Variants in MGMT observed in about 807,000 individuals in gnomAD.
MGMT encodes the protein methylated-DNA--protein-cysteine methyltransferase.
A neutral mutation model predicts 15.9 loss-of-function variants in MGMT; 14 were observed. The observed-to-expected ratio is 0.88, with a 90% CI of 0.58 to 1.37. The LOEUF (loss-of-function observed/expected upper bound fraction) is 1.37, where lower values mean the gene tolerates loss of function less well. Ranked by LOEUF, MGMT falls within the 40% of genes most tolerant of loss-of-function variation. The pLI is 0.00. For synonymous variants in MGMT, 130 were observed against 118.2 expected, an observed-to-expected ratio of 1.10 and a Z score of -0.65; for missense variants, 282 against 268.1, an observed-to-expected ratio of 1.05 and a Z score of -0.36.
intron 1 of MGMT, among the ~76,000 whole-genome samples, chr10:129,469,153 G>C (rs1051186326): frequency 3.3e-5 from 5 of 152,106 alleles, no homozygotes; most frequent in African/African-American, 7.2e-5. Flanking sequence ...AAGGGGGTAG[G>C]AAGGGCCTGA....
At chr10:129,560,914 C>T (rs902332613) in intron 2 of MGMT, among the ~76,000 whole-genome samples, 2 of 151,504 alleles carry the variant, frequency 1.3e-5, no homozygotes, top group Non-Finnish European at 2.9e-5. Context: ...GAAACGGGAA[C>T]TTTCAGACAT....
chr10:129,685,769 A>G (rs890149815), intron 2 of MGMT, among the ~76,000 whole-genome samples: 2 of 152,256 alleles, frequency 1.3e-5, no homozygotes, highest in African/African-American at 4.8e-5. Flanking sequence ...ACCATTCATT[A>G]TCTCTGGAGA....
chr10:129,502,646 A>G (rs1400760258), intron 1 of MGMT, among the ~76,000 whole-genome samples: 1 of 152,088 alleles, frequency 6.6e-6, no homozygotes, highest in Non-Finnish European at 1.5e-5. Flanking sequence ...TTTCCCCTGC[A>G]TGAAGAGGGG....
At chr10:129,640,822 T>C (rs1280881448) in intron 2 of MGMT, among the ~76,000 whole-genome samples, 2 of 152,188 alleles carry the variant, frequency 1.3e-5, no homozygotes, top group Admixed American at 1.3e-4. Flanking sequence ...TCACAATTAA[T>C]CAGTTTACCA....
chr10:129,556,498 G>T lies in MGMT; in HGVS notation c.125+20121G>T, dbSNP rs1846215478. The stretch of plus-strand genomic sequence containing the variant: ...CCTACACCTTGGGTTCAGACTTGCA[G>T]CACCCAGGCTGCAGGGCTTCGTCAG... On this transcript the variant is annotated intron_variant, in intron 2 of 4. Transcript: ENST00000651593. The surrounding 1 kb of genome is among the most constrained non-coding windows in gnomAD (Gnocchi z 4.3). Among the ~76,000 whole-genome samples, 1 of 152,190 alleles carries T rather than the reference G, an allele frequency of 6.6e-6. No homozygotes were observed. The highest frequency in any genetic ancestry group is 1.5e-5 in the Non-Finnish European group (1 of 68,036).
chr10:129,642,149 G>A lies in MGMT; in HGVS notation c.126-65746G>A, dbSNP rs772591251. Among the ~76,000 whole-genome samples the A allele has an allele frequency of 4.6e-5, 7 of 152,208 alleles. No individual in the cohort carries two copies. In the East Asian group the frequency reaches 7.7e-4, roughly 17 times the overall value. ...CAGTGGGCATTTCCTACAGTGCAGA[G>A]TTGTGCGTTGAAAAGTGCCTCTTCA... On this transcript the variant is annotated intron_variant, in intron 2 of 4. Transcript: ENST00000651593.
At chr10:129,508,924 A>G (rs183972123) in intron 1 of MGMT, among the ~76,000 whole-genome samples, 14 of 152,352 alleles carry the variant, frequency 9.2e-5, no homozygotes, top group Admixed American at 2.6e-4. Flanking sequence ...GGCAAAGGTA[A>G]TATTTTCTGT....
Position 129,769,361 on chromosome 10 carries a change from G to C in MGMT, c.*2364G>C, listed in dbSNP as rs550094651. The C allele has an allele frequency of 6.6e-6, 1 of 152,202 alleles. No homozygotes were observed. The highest frequency in any genetic ancestry group is 2.1e-4 in the South Asian group (1 of 4,830). 9.4% of individuals were successfully genotyped at this position (152,202 alleles called of 1,614,324 possible). On this transcript the variant is annotated 3_prime_UTR_variant, in exon 5 of 5. Coordinates refer to ENST00000651593, the MANE Select transcript of MGMT (RefSeq NM_002412.5). ...CTGCCTCCAAGCTGCAGCGCCGTTC[G>C]TGAAAATACAGAGGGAGAGGGAAGG...
intron 1 of MGMT, among the ~76,000 whole-genome samples, chr10:129,509,350 T>G (rs1845657977): frequency 6.6e-6 from 1 of 152,144 alleles, no homozygotes; most frequent in South Asian, 2.1e-4. Context: ...GGATTGCACC[T>G]TCCACGCCCA....
At position 129,539,191 on chromosome 10, in the gene MGMT, G is replaced by C. The variant is rs545362953; in HGVS notation, c.125+2814G>C. Among the ~76,000 whole-genome samples the C allele has an allele frequency of 1.4e-3, 208 of 152,082 alleles. 1 individual carries two copies. The highest frequency in any genetic ancestry group is 2.6e-3 in the Non-Finnish European group (180 of 67,976). ...TCCCTGTAAGAAATATTTGTCTACT[G>C]TAATGTCTGAAATAAATTCTCCCGT... is the stretch of plus-strand genomic sequence containing the variant. On this transcript the variant is annotated intron_variant, in intron 2 of 4. Coordinates refer to ENST00000651593, the MANE Select transcript of MGMT (RefSeq NM_002412.5).
chr10:129,566,855 G>C lies in MGMT; in HGVS notation c.125+30478G>C, dbSNP rs1846360920. Among the ~76,000 whole-genome samples the C allele has an allele frequency of 6.6e-6, 1 of 152,160 alleles. No homozygotes were observed. Among genetic ancestry groups the C allele is most frequent in the African/African-American group, 2.4e-5 (1 of 41,432 alleles). Reference sequence around the variant, plus strand: ...CTGGGGAGCCCCCGTGGCGAACAGAGGCTCTAAGAGAGGGGTCTTTGTTTT... The same window carrying C: ...CTGGGGAGCCCCCGTGGCGAACAGACGCTCTAAGAGAGGGGTCTTTGTTTT... On this transcript the variant is annotated intron_variant, in intron 2 of 4. Transcript: ENST00000651593. This position sits in a 1 kb window ranked among gnomAD's most constrained non-coding sequence, Gnocchi z 4.1.
intron 3 of MGMT, among the ~76,000 whole-genome samples, chr10:129,728,689 C>T (rs1168954580): frequency 6.6e-6 from 1 of 152,016 alleles, no homozygotes; most frequent in Non-Finnish European, 1.5e-5. Context: ...TCAGCACCAG[C>T]GTTGCCTCCC....
intron 1 of MGMT, among the ~76,000 whole-genome samples, chr10:129,508,192 G>T (rs761947743): frequency 2.6e-5 from 4 of 152,122 alleles, no homozygotes; most frequent in Non-Finnish European, 5.9e-5. Context: ...CTTTTGTGGA[G>T]TAAAAAGCCC....
At chr10:129,705,008 A>T (rs1564767825) in intron 2 of MGMT, among the ~76,000 whole-genome samples, 1 of 152,130 alleles carries the variant, frequency 6.6e-6, no homozygotes, top group South Asian at 2.1e-4. Flanking sequence ...ATCTCCCCCA[A>T]CAATGGAAGG....
At chr10:129,721,833 ATGCT>A (rs58399478) in intron 3 of MGMT, among the ~76,000 whole-genome samples, 83,612 of 151,962 alleles carry the variant, frequency 0.55, 23,261 homozygotes, top group Middle Eastern at 0.71. Flanking sequence ...GCATATTAGA[ATGCT>A]AAAATGTAAA....
intron 2 of MGMT, among the ~76,000 whole-genome samples, chr10:129,551,653 T>G (rs897722433): frequency 2.6e-5 from 4 of 152,182 alleles, no homozygotes; most frequent in Non-Finnish European, 5.9e-5. Context: ...TTCTCCGAGG[T>G]ATTTTCACCT....
intron 2 of MGMT, among the ~76,000 whole-genome samples, chr10:129,694,570 C>G (rs1428740212): frequency 6.6e-6 from 1 of 152,202 alleles, no homozygotes; most frequent in Non-Finnish European, 1.5e-5. Context: ...AGCTTCGAAG[C>G]TAAAATGTTT....
intron 1 of MGMT, among the ~76,000 whole-genome samples, chr10:129,491,045 A>C (rs939507220): frequency 2.4e-4 from 36 of 152,126 alleles, no homozygotes; most frequent in African/African-American, 8.2e-4. Context: ...CACTTTTGTC[A>C]CTGTTTAAAC....
intron 2 of MGMT, among the ~76,000 whole-genome samples, chr10:129,616,414 G>T (rs1454985431): frequency 1.3e-5 from 2 of 152,180 alleles, no homozygotes; most frequent in Non-Finnish European, 2.9e-5. Context: ...GGGAAGCGAG[G>T]GCATAGAAGC....
Sources: gnomAD v4.1 joint callset for allele counts (sites outside exome capture counted in the v4.1 genomes callset) on GRCh38, gnomAD v4.1.1 for gene constraint, Gnocchi (gnomAD v3.1) non-coding constraint, MANE v1.5 for transcripts, NCBI Gene and HGNC (gene_info 2026-07-23, HGNC 2026-07-21) for gene names.